The following BRAF variants were observed in gnomAD, a reference collection of about 807,000 sequenced individuals.
BRAF encodes the protein serine/threonine-protein kinase B-raf.
In BRAF, 16 loss-of-function variants were observed where a neutral mutation model predicts 104.6. That is an observed-to-expected ratio of 0.15 (90% CI 0.10 to 0.23). The LOEUF is 0.23. Ranked by LOEUF, BRAF falls within the 10% of genes least tolerant of loss-of-function variation. The probability of loss-of-function intolerance (pLI) is 1.00; values close to 1 mark genes in which losing one functional copy is unlikely to be tolerated. For missense variants in BRAF, 541 were observed against 937.3 expected, an observed-to-expected ratio of 0.58 and a Z score of 5.52; for synonymous variants, 310 against 341.6, an observed-to-expected ratio of 0.91 and a Z score of 1.02.
intron 5 of BRAF, among the ~76,000 whole-genome samples, chr7:140,807,604 A>T (rs1803795552): frequency 6.6e-6 from 1 of 152,176 alleles, no homozygotes; most frequent in South Asian, 2.1e-4. Context: ...AGGTACAAGC[A>T]CACGTTTGTG....
At chr7:140,735,186 T>C (rs188978898) in intron 18 of BRAF, among the ~76,000 whole-genome samples, 1 of 152,320 alleles carries the variant, frequency 6.6e-6, no homozygotes, top group East Asian at 1.9e-4. Flanking sequence ...TATGACTATC[T>C]CTAAACAGAA....
At chr7:140,919,104 G>A (rs1817933883) in intron 1 of BRAF, among the ~76,000 whole-genome samples, 1 of 147,908 alleles carries the variant, frequency 6.8e-6, no homozygotes, top group Non-Finnish European at 1.5e-5. Context: ...CTGAGATCGC[G>A]CCACTGCACT....
intron 19 of BRAF, chr7:140,732,518 C>T (rs532156012): frequency 1.3e-5 from 2 of 152,168 alleles, no homozygotes; most frequent in Admixed American, 6.5e-5. Context: ...CTAACATTTC[C>T]GGTGGACCTA....
chr7:140,879,382 A>T (rs1812618846), intron 1 of BRAF, among the ~76,000 whole-genome samples: 1 of 151,640 alleles, frequency 6.6e-6, no homozygotes, highest in South Asian at 2.1e-4. Flanking sequence ...GGGTTTCACC[A>T]TGTTGGCCAG....
chr7:140,902,481 G>A (rs545121706), intron 1 of BRAF, among the ~76,000 whole-genome samples: 1 of 152,302 alleles, frequency 6.6e-6, no homozygotes, highest in South Asian at 2.1e-4. Flanking sequence ...AGAGTCACAT[G>A]TCTCTCTCTT....
chr7:140,876,947 C>T (rs1265001734), intron 1 of BRAF, among the ~76,000 whole-genome samples: 1 of 151,808 alleles, frequency 6.6e-6, no homozygotes, highest in Admixed American at 6.6e-5. Flanking sequence ...TGTTCTCTGA[C>T]CATAATAGAA....
Position 140,827,778 on chromosome 7 carries a change from C to T in BRAF, c.504+6831G>A, listed in dbSNP as rs139330620. 3.3e-3 allele frequency among the ~76,000 whole-genome samples: 497 copies of T among 152,348 alleles called. 3 individuals carry two copies. Among genetic ancestry groups the T allele is most frequent in the African/African-American group, 0.011 (475 of 41,572 alleles). On this transcript the variant is annotated intron_variant, in intron 3 of 19. Coordinates refer to ENST00000644969, the MANE Select transcript of BRAF (RefSeq NM_001374258.1). ...AGAACCAGAGGTTCTGTAGATTACA[C>T]TGTGATGTACAACTGCTCAACACCA...
intron 14 of BRAF, among the ~76,000 whole-genome samples, chr7:140,774,268 T>C (rs912322556): frequency 5.3e-5 from 8 of 152,234 alleles, no homozygotes; most frequent in Non-Finnish European, 1.2e-4. Flanking sequence ...CGTACACTCA[T>C]TGCATCATGT....
Position 140,800,442 on chromosome 7 carries a change from T to C in BRAF, c.900A>G (p.Ile300Met), listed in dbSNP as rs1802981676. Reference protein sequence around the residue: ...FVSKFFEHHPIPQEEASLAET... With the variant: ...FVSKFFEHHPMPQEEASLAET... Reference sequence around the variant, plus strand: ...CTGCTAAGGACGCCTCTTCCTGTGGTATTGGGTGGTGTTCAAAGAACTTGG... The same window carrying C: ...CTGCTAAGGACGCCTCTTCCTGTGGCATTGGGTGGTGTTCAAAGAACTTGG... The change falls in exon 7 of 20, where the codon ATA (isoleucine) becomes ATG (methionine). Residue 300 changes from isoleucine to methionine, a missense_variant. By Grantham distance (10) the Ile-to-Met change is conservative. This residue lies in a region of BRAF where 79 missense variants were observed against 74.6 expected (regional missense o/e 1.06). Coordinates refer to ENST00000644969, the MANE Select transcript of BRAF (RefSeq NM_001374258.1). The C allele has an allele frequency of 6.2e-7, 1 of 1,614,072 alleles. No homozygotes were observed. The highest frequency in any genetic ancestry group is 8.5e-7 in the Non-Finnish European group (1 of 1,180,022).
intron 18 of BRAF, among the ~76,000 whole-genome samples, chr7:140,738,726 C>T (rs1223984575): frequency 6.6e-6 from 1 of 152,164 alleles, no homozygotes; most frequent in Non-Finnish European, 1.5e-5. Context: ...AAGCGATTCT[C>T]ATGTCTCAGC....
intron 3 of BRAF, among the ~76,000 whole-genome samples, chr7:140,828,639 G>A (rs774385466): frequency 6.6e-6 from 1 of 152,106 alleles, no homozygotes; most frequent in Non-Finnish European, 1.5e-5. Context: ...GTACTACATG[G>A]TGTGGCTGTA....
intron 1 of BRAF, among the ~76,000 whole-genome samples, chr7:140,899,092 G>A (rs143198313): frequency 2.6e-5 from 4 of 152,092 alleles, no homozygotes; most frequent in South Asian, 2.1e-4. Context: ...ATACTGTTAT[G>A]AGCAATCTTA....
chr7:140,865,672 A>G (rs1237353928), intron 1 of BRAF, among the ~76,000 whole-genome samples: 1 of 152,232 alleles, frequency 6.6e-6, no homozygotes, highest in African/African-American at 2.4e-5. Flanking sequence ...ATCAGGAGCC[A>G]GACAAGTGTC....
intron 1 of BRAF, among the ~76,000 whole-genome samples, chr7:140,882,908 T>A (rs906803793): frequency 6.6e-6 from 1 of 151,812 alleles, no homozygotes; most frequent in South Asian, 2.1e-4. Flanking sequence ...GCAGAAGAAT[T>A]GCTTGAACCT....
chr7:140,864,301 C>T (rs978363003), intron 1 of BRAF, among the ~76,000 whole-genome samples: 1 of 152,140 alleles, frequency 6.6e-6, no homozygotes, highest in Non-Finnish European at 1.5e-5. Context: ...CTGGATTAGA[C>T]ATGGAGGAAG....
downstream of BRAF, among the ~76,000 whole-genome samples, chr7:140,717,888 ATTTATT>A (rs1795170717): frequency 6.6e-6 from 1 of 152,134 alleles, no homozygotes; most frequent in Non-Finnish European, 1.5e-5. Flanking sequence ...AAGTCTTGAC[ATTTATT>A]TTTATTTTTA....
At chr7:140,790,120 T>G (rs999754687) in intron 8 of BRAF, among the ~76,000 whole-genome samples, 1 of 152,184 alleles carries the variant, frequency 6.6e-6, no homozygotes, top group Admixed American at 6.5e-5. Flanking sequence ...GTTTCAGAGA[T>G]AGGCATGTAG....
At chr7:140,828,219 T>C (rs1487023638) in intron 3 of BRAF, among the ~76,000 whole-genome samples, 2 of 152,196 alleles carry the variant, frequency 1.3e-5, no homozygotes, top group East Asian at 1.9e-4. Flanking sequence ...GTGATTTTCA[T>C]AGATTATGAA....
chr7:140,790,972 G>A (rs1170500347), intron 8 of BRAF, among the ~76,000 whole-genome samples: 1 of 152,074 alleles, frequency 6.6e-6, no homozygotes, highest in Non-Finnish European at 1.5e-5. Context: ...ATGATGGCGG[G>A]AGCCTGTAAT....
Sources: gnomAD v4.1 joint callset for allele counts (sites outside exome capture counted in the v4.1 genomes callset) on GRCh38, gnomAD v4.1.1 for gene constraint, gnomAD v4.1.1 regional missense constraint, MANE v1.5 for transcripts, NCBI Gene and HGNC (gene_info 2026-07-23, HGNC 2026-07-21) for gene names.